The following EPHA6 variants were observed in gnomAD, a reference collection of about 807,000 sequenced individuals.
EPHA6 encodes the protein EPH receptor A6, also known as ephrin type-A receptor 6.
In EPHA6, 50 loss-of-function variants were observed where a neutral mutation model predicts 112.0. That is an observed-to-expected ratio of 0.45 (90% confidence interval 0.36 to 0.56). EPHA6 has a LOEUF of 0.56. EPHA6 is among the 20% of genes least tolerant of loss of function. The pLI, the probability that EPHA6 is intolerant of heterozygous loss-of-function variation, is 0.00. For synonymous variants in EPHA6, 529 were observed against 490.7 expected (o/e 1.08, Z -1.03); for missense variants, 1,280 against 1,417.4 (o/e 0.90, Z 1.56).
chr3:97,494,897 C>G (rs1423302875), intron 10 of EPHA6, among the ~76,000 whole-genome samples: 1 of 152,204 alleles, frequency 6.6e-6, no homozygotes, highest in Non-Finnish European at 1.5e-5. Flanking sequence ...TCAACCATTT[C>G]CATCCGACAT....
chr3:97,613,763 G>GA (rs1424718301), intron 13 of EPHA6, among the ~76,000 whole-genome samples: 1 of 151,414 alleles, frequency 6.6e-6, no homozygotes, highest in Non-Finnish European at 1.5e-5. Context: ...TGGCTGCCCA[G>GA]AAGGCACAAC....
intron 2 of EPHA6, among the ~76,000 whole-genome samples, chr3:96,952,832 G>T (rs2041604175): frequency 6.6e-6 from 1 of 152,060 alleles, no homozygotes; most frequent in Non-Finnish European, 1.5e-5. Context: ...ACATAGAGGG[G>T]AACAACACTG....
At chr3:96,987,266 GTAAT>G in intron 2 of EPHA6, 60 bp from the exon 3 acceptor site, 1 of 1,396,312 alleles carries the variant, frequency 7.2e-7, no homozygotes. Flanking sequence ...AAAATTGTAA[GTAAT>G]CATTTCTGTT....
chr3:97,520,264 G>C (rs1425583653), intron 10 of EPHA6, among the ~76,000 whole-genome samples: 2 of 152,172 alleles, frequency 1.3e-5, no homozygotes, highest in African/African-American at 4.8e-5. Context: ...ACCGCACCCA[G>C]CTGTAGTGGT....
intron 3 of EPHA6, among the ~76,000 whole-genome samples, chr3:97,125,975 G>T: frequency 6.6e-6 from 1 of 152,312 alleles, no homozygotes; most frequent in South Asian, 2.1e-4. Context: ...ATCCCACTGT[G>T]CTTTGGTTTA....
chr3:97,317,911 A>G (rs1287885403), intron 5 of EPHA6, among the ~76,000 whole-genome samples: 1 of 151,996 alleles, frequency 6.6e-6, no homozygotes, highest in Non-Finnish European at 1.5e-5. Context: ...TTAAGTGGAA[A>G]GGGGACTAGA....
intron 13 of EPHA6, among the ~76,000 whole-genome samples, chr3:97,611,860 T>A (rs1489603487): frequency 6.6e-6 from 1 of 151,968 alleles, no homozygotes; most frequent in Non-Finnish European, 1.5e-5. Flanking sequence ...TCTTTCTCTC[T>A]TGATCTCATT....
intron 2 of EPHA6, among the ~76,000 whole-genome samples, chr3:96,931,018 A>AAAAAT (rs796531853): frequency 2.4e-5 from 2 of 84,576 alleles, no homozygotes; most frequent in South Asian, 4.3e-4. Context: ...AAAAAAAAAA[A>AAAAAT]AAAGAAAAGC....
chr3:97,230,058 G>A (rs1169311365), intron 4 of EPHA6, among the ~76,000 whole-genome samples: 4 of 152,088 alleles, frequency 2.6e-5, no homozygotes, highest in African/African-American at 9.7e-5. Flanking sequence ...ACATACTACA[G>A]TTTAGGTAGT....
intron 3 of EPHA6, among the ~76,000 whole-genome samples, chr3:97,202,305 G>A (rs2077596418): frequency 6.6e-6 from 1 of 151,898 alleles, no homozygotes; most frequent in East Asian, 1.9e-4. Flanking sequence ...TTTGGTAGGG[G>A]CATCCTAAGG....
intron 3 of EPHA6, among the ~76,000 whole-genome samples, chr3:97,088,929 T>C (rs904808662): frequency 1.8e-4 from 27 of 152,230 alleles, no homozygotes; most frequent in East Asian, 3.9e-4. Context: ...TGGGAAAAGT[T>C]TGGGAAAAGA....
At chr3:97,232,178 T>G (rs573685880) in intron 4 of EPHA6, among the ~76,000 whole-genome samples, 1 of 152,284 alleles carries the variant, frequency 6.6e-6, no homozygotes, top group African/African-American at 2.4e-5. Context: ...TTATTTAACT[T>G]CTCTTGACTC....
At chr3:97,349,799 A>G (rs544971615) in intron 5 of EPHA6, among the ~76,000 whole-genome samples, 2 of 152,168 alleles carry the variant, frequency 1.3e-5, no homozygotes, top group South Asian at 4.1e-4. Flanking sequence ...TGATCATAGC[A>G]TCATACGTAT....
intron 11 of EPHA6, chr3:97,559,585 T>G: frequency 2.2e-6 from 1 of 454,654 alleles, no homozygotes; most frequent in Admixed American, 2.4e-5. Context: ...CTTTCTCATA[T>G]TTCAGAGCCA....
intron 2 of EPHA6, among the ~76,000 whole-genome samples, chr3:96,920,798 CTTG>C (rs1559832207): frequency 1.3e-5 from 2 of 151,938 alleles, no homozygotes; most frequent in East Asian, 3.9e-4. Flanking sequence ...AATAAAATTT[CTTG>C]TTCTCTGCAA....
chr3:97,112,643 G>T (rs181005920), intron 3 of EPHA6, among the ~76,000 whole-genome samples: 1,911 of 149,054 alleles, frequency 0.013, 33 homozygotes, highest in African/African-American at 0.043. Flanking sequence ...ACTATGAGTG[G>T]TTTTTTTTTT....
intron 6 of EPHA6, among the ~76,000 whole-genome samples, chr3:97,432,986 A>G (rs2089607651): frequency 6.6e-6 from 1 of 152,196 alleles, no homozygotes. Flanking sequence ...TTTAGTTTGC[A>G]ATATAGAAGA....
intron 11 of EPHA6, among the ~76,000 whole-genome samples, chr3:97,555,779 T>A (rs1041866701): frequency 6.6e-6 from 1 of 152,106 alleles, no homozygotes; most frequent in African/African-American, 2.4e-5. Flanking sequence ...GGGTTGTTTG[T>A]TTTTTTCTTG....
chr3:97,599,164 T>C (rs1434937428), intron 12 of EPHA6, among the ~76,000 whole-genome samples: 3 of 151,626 alleles, frequency 2.0e-5, no homozygotes, highest in Admixed American at 2.0e-4. Context: ...TTCTGGATAT[T>C]AGCCCTTTGT....
Sources: allele counts gnomAD v4.1 joint callset (sites outside exome capture counted in the v4.1 genomes callset), GRCh38; gene constraint gnomAD v4.1.1; transcripts MANE v1.5; gene names NCBI Gene and HGNC (gene_info 2026-07-23, HGNC 2026-07-21).